Variants in PCDH15 observed in about 807,000 individuals in gnomAD.
PCDH15 encodes the protein protocadherin related 15, also known as protocadherin-15.
Under a neutral mutation model 178.5 loss-of-function variants are expected in PCDH15, and 129 were observed. The ratio of observed to expected loss-of-function variants is 0.72; its 90% CI spans 0.63 to 0.84. The LOEUF is 0.84. Ranked by LOEUF, PCDH15 falls within the 40% of genes least tolerant of loss-of-function variation. PCDH15 has a pLI of 0.00. For missense variants in PCDH15, 2,230 were observed against 2,099.9 expected (o/e 1.06, Z -1.21); for synonymous variants, 800 against 732.0 (o/e 1.09, Z -1.50).
rs77430140 is a variant in PCDH15, at chr10:55,609,249, G to A, written c.-156+18376C>T. On this transcript the variant is annotated intron_variant, in intron 2 of 5. Coordinates refer to the PCDH15 transcript ENST00000613346. ...TAAGTGTAACCAATCTAAATGTATT[G>A]CATTATATACAAACCACACTACACC... 4.4e-3 allele frequency among the ~76,000 whole-genome samples: 665 copies of A among 152,120 alleles called. 3 individuals are homozygous for A. Among genetic ancestry groups the A allele is most frequent in the African/African-American group, 0.015 (627 of 41,512 alleles).
At chr10:55,174,683 G>A (rs1839429618) in intron 1 of PCDH15, among the ~76,000 whole-genome samples, 1 of 152,240 alleles carries the variant, frequency 6.6e-6, no homozygotes, top group Admixed American at 6.5e-5. Context: ...CCTCCAGCAG[G>A]CGAGTCCAGT....
At chr10:54,629,193 A>AT (rs1287203360) in intron 2 of PCDH15, among the ~76,000 whole-genome samples, 1 of 152,266 alleles carries the variant, frequency 6.6e-6, no homozygotes, top group East Asian at 1.9e-4. Context: ...AGAAAACATC[A>AT]TTTTTGTACT....
At chr10:54,201,740 T>A (rs914225180) in intron 10 of PCDH15, among the ~76,000 whole-genome samples, 1 of 47,214 alleles carries the variant, frequency 2.1e-5, no homozygotes, top group Non-Finnish European at 3.8e-5. Flanking sequence ...TATTTATGGA[T>A]GTTTTTCCAG....
chr10:55,007,374 G>A (rs1454312555), intron 2 of PCDH15, among the ~76,000 whole-genome samples: 1 of 152,110 alleles, frequency 6.6e-6, no homozygotes. Context: ...ATAGTGTTGT[G>A]GCTGTTATCA....
intron 2 of PCDH15, among the ~76,000 whole-genome samples, chr10:55,418,583 C>T (rs868026832): frequency 6.6e-6 from 1 of 151,730 alleles, no homozygotes; most frequent in Non-Finnish European, 1.5e-5. Context: ...AGATATTTAA[C>T]TGTTTTTTAG....
At chr10:54,909,257 C>T (rs890256607) in intron 2 of PCDH15, among the ~76,000 whole-genome samples, 1 of 152,140 alleles carries the variant, frequency 6.6e-6, no homozygotes, top group African/African-American at 2.4e-5. Flanking sequence ...TGGGGCTTCA[C>T]CAAGACCCCA....
chr10:54,346,433 C>T lies in PCDH15; in HGVS notation c.526G>A (p.Ala176Thr), dbSNP rs758750902. The change falls in exon 6 of 38, where the codon GCT becomes ACT. Residue 176 changes from alanine to threonine, a missense_variant. Coordinates refer to ENST00000644397, the MANE Select transcript of PCDH15 (RefSeq NM_001384140.1). ...IFTGFSGDNG[A>T]TDIDDGPNGQ... ...TTTGGTCCATCATCTATATCTGTAGCTCCATTGTCTCCTGAAAATCCTGTG... is the reference window on the plus strand; with the variant it reads ...TTTGGTCCATCATCTATATCTGTAGTTCCATTGTCTCCTGAAAATCCTGTG... The T allele has an allele frequency of 5.0e-6, 8 of 1,613,520 alleles. No homozygotes were observed. The highest frequency in any genetic ancestry group is 1.6e-4 in the Middle Eastern group (1 of 6,082).
intron 2 of PCDH15, among the ~76,000 whole-genome samples, chr10:55,119,497 C>CA (rs11441706): frequency 0.27 from 39,035 of 146,932 alleles, 5,627 homozygotes; most frequent in African/African-American, 0.39. Context: ...ATCATTCATA[C>CA]AAAAAAAAAA....
In PCDH15 at chr10:55,575,980, C is replaced by T. The variant is rs191204895; in HGVS notation, c.-156+51645G>A. Among the ~76,000 whole-genome samples the T allele has an allele frequency of 5.3e-5, 8 of 152,234 alleles. No individual in the cohort carries two copies. The East Asian group carries it at 1.2e-3, about 22-fold the overall frequency. On this transcript the variant is annotated intron_variant, in intron 2 of 5. Coordinates refer to the PCDH15 transcript ENST00000613346. ...GGGCATCCACGTGTGGTATGCTTCA[C>T]GATGAACCGTTCACTTTCACTCTAT... is the stretch of plus-strand genomic sequence containing the variant.
At chr10:54,023,231 C>G (rs57385317) in intron 18 of PCDH15, 34 bp from the exon 19 acceptor site, 4 of 1,595,300 alleles carry the variant, frequency 2.5e-6, no homozygotes, top group Non-Finnish European at 2.6e-6. Flanking sequence ...AAAAAATTCA[C>G]GTAAGTTTTG....
intron 2 of PCDH15, among the ~76,000 whole-genome samples, chr10:55,420,924 G>T (rs1240716121): frequency 6.6e-6 from 1 of 151,680 alleles, no homozygotes; most frequent in Non-Finnish European, 1.5e-5. Flanking sequence ...ATGATTATCT[G>T]CTTTAAAATT....
chr10:54,840,177 C>T (rs969413530), intron 3 of PCDH15, among the ~76,000 whole-genome samples: 2 of 151,850 alleles, frequency 1.3e-5, no homozygotes, highest in African/African-American at 2.4e-5. Context: ...CTATAATGAC[C>T]GAGCATGAAT....
chr10:55,334,236 A>ATGTGTGTG (rs1215130773), intron 2 of PCDH15, among the ~76,000 whole-genome samples: 1 of 105,378 alleles, frequency 9.5e-6, no homozygotes, highest in Non-Finnish European at 1.8e-5. Context: ...ATATATATAT[A>ATGTGTGTG]TATATATGTG....
intron 5 of PCDH15, among the ~76,000 whole-genome samples, chr10:54,359,541 C>G (rs1213702212): frequency 6.6e-6 from 1 of 151,768 alleles, no homozygotes; most frequent in East Asian, 1.9e-4. Flanking sequence ...AAGCTCAAGA[C>G]TTGAATATAT....
At chr10:54,507,263 C>T (rs2081249702) in intron 3 of PCDH15, among the ~76,000 whole-genome samples, 1 of 151,448 alleles carries the variant, frequency 6.6e-6, no homozygotes, top group Non-Finnish European at 1.5e-5. Flanking sequence ...TACAGATTTT[C>T]ATTTAAATAA....
rs561255148 is a variant in PCDH15, at chr10:54,896,280, T to G, written c.-29+1170A>C. ...ATTTTACTATAGTCAATTAGAAACA[T>G]GCATTGAAAGTATAATCATAAAGCA... On this transcript the variant is annotated intron_variant, in intron 3 of 5. Transcript: ENST00000458638. 1.2e-3 allele frequency among the ~76,000 whole-genome samples: 189 copies of G among 152,326 alleles called. 1 individual carries two copies. Among genetic ancestry groups the G allele is most frequent in the Non-Finnish European group, 1.9e-3 (127 of 68,024 alleles).
intron 1 of PCDH15, among the ~76,000 whole-genome samples, chr10:54,781,181 T>G (rs1486518985): frequency 6.6e-6 from 1 of 152,098 alleles, no homozygotes; most frequent in East Asian, 1.9e-4. Context: ...TATTTTTTAT[T>G]ATACTTTAAG....
intron 2 of PCDH15, among the ~76,000 whole-genome samples, chr10:55,334,370 T>A (rs1322961641): frequency 6.7e-6 from 1 of 148,298 alleles, no homozygotes; most frequent in East Asian, 2.0e-4. Flanking sequence ...TGCAATGGCG[T>A]GATCTCGGCT....
At chr10:55,551,480 A>C (rs1268929447) in intron 2 of PCDH15, among the ~76,000 whole-genome samples, 1 of 151,904 alleles carries the variant, frequency 6.6e-6, no homozygotes, top group Non-Finnish European at 1.5e-5. Context: ...TAAGAAATGT[A>C]TTTATTCTAT....
Sources: gnomAD v4.1 joint callset for allele counts (sites outside exome capture counted in the v4.1 genomes callset) on GRCh38, gnomAD v4.1.1 for gene constraint, MANE v1.5 for transcripts, NCBI Gene and HGNC (gene_info 2026-07-23, HGNC 2026-07-21) for gene names.